SLC22A23: variants seen among roughly 807,000 people sequenced by gnomAD.
The protein encoded by SLC22A23 is ion transporter protein.
In SLC22A23, 26 loss-of-function variants were observed where a neutral mutation model predicts 61.0. That is an observed-to-expected ratio of 0.43 (90% CI 0.31 to 0.59). The LOEUF (loss-of-function observed/expected upper bound fraction) is 0.59, where lower values mean the gene tolerates loss of function less well. Among genes scored for constraint, SLC22A23 ranks in the 20% least tolerant of loss-of-function variants. The pLI is 0.11. For missense variants in SLC22A23, 796 were observed against 934.7 expected (o/e 0.85, Z 1.94); for synonymous variants, 430 against 413.9 (o/e 1.04, Z -0.47).
In SLC22A23 at chr6:3,269,900, A is replaced by T. The variant is rs1176250659; in HGVS notation, c.*3155T>A. The T allele has an allele frequency of 6.5e-6, 1 of 152,832 alleles. No homozygotes were observed. Among genetic ancestry groups the T allele is most frequent in the Non-Finnish European group, 1.5e-5 (1 of 68,044 alleles). 9.5% of individuals were successfully genotyped at this position (152,832 alleles called of 1,614,324 possible). On this transcript the variant is annotated 3_prime_UTR_variant, in exon 10 of 10. Transcript: ENST00000406686. ...GGTGTCTGAGTGTGATACTTCCCTTACGAGGTTTGTTTTTGTTTTCTTTCT... is the reference window on the plus strand; with the variant it reads ...GGTGTCTGAGTGTGATACTTCCCTTTCGAGGTTTGTTTTTGTTTTCTTTCT...
chr6:3,419,608 G>A lies in SLC22A23; in HGVS notation c.655-3753C>T, dbSNP rs375480118. On this transcript the variant is annotated intron_variant, in intron 1 of 9. Coordinates refer to ENST00000406686, the MANE Select transcript of SLC22A23 (RefSeq NM_015482.2). ...GGTCTGGGAGCCAACAGTTCTGGAG[G>A]TGGCTAAGGAGGTGTGATCTTGGAA... 2.0e-5 allele frequency among the ~76,000 whole-genome samples: 3 copies of A among 152,308 alleles called. No individual in the cohort carries two copies. The East Asian group carries it at 5.8e-4, about 29-fold the overall frequency.
chr6:3,402,742 T>TTCA (rs1768515509), intron 3 of SLC22A23, among the ~76,000 whole-genome samples: 1 of 152,222 alleles, frequency 6.6e-6, no homozygotes, highest in Non-Finnish European at 1.5e-5. Context: ...GCAGGGTGTG[T>TTCA]CTCTGCCTCT....
At chr6:3,298,246 A>C in intron 4 of SLC22A23, 28 bp from the exon 5 acceptor site, 1 of 1,577,414 alleles carries the variant, frequency 6.3e-7, no homozygotes, top group Non-Finnish European at 8.6e-7. Context: ...GGATCAGTGA[A>C]TGTCTTCCGA....
chr6:3,344,511 T>C (rs1320931423), intron 3 of SLC22A23, among the ~76,000 whole-genome samples: 1 of 152,220 alleles, frequency 6.6e-6, no homozygotes, highest in Admixed American at 6.5e-5. Flanking sequence ...GACACGACCA[T>C]GTGGTTAAGA....
chr6:3,339,705 C>A (rs1348594264), intron 3 of SLC22A23, among the ~76,000 whole-genome samples: 6 of 152,180 alleles, frequency 3.9e-5, no homozygotes, highest in Admixed American at 3.3e-4. Flanking sequence ...TTTACAGATG[C>A]CATGGCAACG....
In SLC22A23 at chr6:3,273,229, G is replaced by A. The variant is rs369704563; in HGVS notation, c.1887C>T (p.Asn629=). The A allele has an allele frequency of 1.6e-5, 25 of 1,612,880 alleles. No homozygotes were observed. In the Middle Eastern group the frequency reaches 4.9e-4, roughly 32 times the overall value. ...PESRDQNLPE[N]ISNGEHYTRQ... is the part of the protein sequence containing the mutation. ...GCGTGTAGTGCTCCCCGTTAGAAAT[G>A]TTCTCAGGCAGGTTCTGGTCCCTGC... Residue 629 remains asparagine (N), a synonymous_variant, in exon 10 of 10, where the codon AAC becomes AAT. Transcript: ENST00000406686.
intron 3 of SLC22A23, among the ~76,000 whole-genome samples, chr6:3,365,504 C>CTGAG (rs552445577): frequency 6.6e-6 from 1 of 152,112 alleles, no homozygotes; most frequent in Non-Finnish European, 1.5e-5. Context: ...CTGGCTGAGC[C>CTGAG]TGAGTGAGTG....
chr6:3,386,888 C>G lies in SLC22A23; in HGVS notation c.913+23300G>C, dbSNP rs189533286. 6.2e-4 allele frequency among the ~76,000 whole-genome samples: 95 copies of G among 152,318 alleles called. No individual in the cohort carries two copies. The highest frequency in any genetic ancestry group is 2.2e-3 in the African/African-American group (92 of 41,578). On this transcript the variant is annotated intron_variant, in intron 3 of 9. Transcript: ENST00000406686. This position sits in a 1 kb window ranked among gnomAD's most constrained non-coding sequence, Gnocchi z 4.4. ...GGCACCCCAGGGCGGGGCAGGCACC[C>G]CAGGGTGCAGCAGGCCTTTCTCTGG...
rs1276119691 is a variant in SLC22A23 at position 3,297,027 on chromosome 6, T to TC, written c.1210+1063dup. Among the ~76,000 whole-genome samples, 13 of 152,188 alleles carry TC rather than the reference T, an allele frequency of 8.5e-5. No homozygotes were observed. The highest frequency in any genetic ancestry group is 2.1e-4 in the South Asian group (1 of 4,826). ...GCTTCCGCAGCCACTCTGACTGTAG[T>TC]CCCTCCCTGCCACCCTCTATCCCAC... On this transcript the variant is annotated intron_variant, in intron 5 of 9. Transcript: ENST00000406686. The surrounding 1 kb of genome is among the most constrained non-coding windows in gnomAD (Gnocchi z 4.3).
chr6:3,374,464 C>G (rs1766431245), intron 3 of SLC22A23, among the ~76,000 whole-genome samples: 1 of 152,186 alleles, frequency 6.6e-6, no homozygotes, highest in East Asian at 1.9e-4. Context: ...CTGACAGTAA[C>G]AACATGAGCA....
intron 3 of SLC22A23, among the ~76,000 whole-genome samples, chr6:3,384,768 T>C (rs1422248104): frequency 1.3e-5 from 2 of 152,190 alleles, no homozygotes; most frequent in African/African-American, 4.8e-5. Flanking sequence ...CTTCAAGAAC[T>C]GAAAGCAGGA....
intron 9 of SLC22A23, among the ~76,000 whole-genome samples, chr6:3,277,324 C>G (rs1366547560): frequency 6.6e-6 from 1 of 152,058 alleles, no homozygotes; most frequent in African/African-American, 2.4e-5. Flanking sequence ...GCACCAAGCT[C>G]TGCAAACACT....
At chr6:3,435,585 A>G (rs1771154175) in intron 1 of SLC22A23, among the ~76,000 whole-genome samples, 1 of 152,130 alleles carries the variant, frequency 6.6e-6, no homozygotes, top group Non-Finnish European at 1.5e-5. Context: ...GATTTACAAC[A>G]GACAGACTGG....
chr6:3,436,132 C>T (rs978105818), intron 1 of SLC22A23, among the ~76,000 whole-genome samples: 45 of 152,098 alleles, frequency 3.0e-4, no homozygotes, highest in African/African-American at 1.1e-3. Flanking sequence ...CGTCCTGTCT[C>T]TGGACTTCCA....
chr6:3,357,681 T>C (rs1765196943), intron 3 of SLC22A23, among the ~76,000 whole-genome samples: 1 of 152,036 alleles, frequency 6.6e-6, no homozygotes, highest in Non-Finnish European at 1.5e-5. Flanking sequence ...TAATGACAAA[T>C]AATGGAAAAC....
chr6:3,420,430 C>T (rs181318903), intron 1 of SLC22A23, among the ~76,000 whole-genome samples: 96 of 152,042 alleles, frequency 6.3e-4, no homozygotes, highest in African/African-American at 2.2e-3. Context: ...AAGAAAACAA[C>T]CTTATTTTCC....
At chr6:3,283,552 C>T (rs1013187963) in intron 9 of SLC22A23, 23 of 380,504 alleles carry the variant, frequency 6.0e-5, no homozygotes, top group Admixed American at 4.0e-4. Flanking sequence ...ATAAGTGATC[C>T]GCTGCACTCC....
At chr6:3,406,741 A>G (rs114622065) in intron 3 of SLC22A23, among the ~76,000 whole-genome samples, 3,019 of 152,282 alleles carry the variant, frequency 0.02, 43 homozygotes, top group Non-Finnish European at 0.032. Flanking sequence ...CCTTAGGAAG[A>G]TGCCAGTAAT....
intron 9 of SLC22A23, among the ~76,000 whole-genome samples, chr6:3,280,858 C>A (rs1759410485): frequency 6.6e-6 from 1 of 152,178 alleles, no homozygotes; most frequent in Non-Finnish European, 1.5e-5. Context: ...CCCAGGTCAT[C>A]CTGGCCCTCG....
Sources: allele counts gnomAD v4.1 joint callset (sites outside exome capture counted in the v4.1 genomes callset), GRCh38; gene constraint gnomAD v4.1.1; non-coding constraint Gnocchi (gnomAD v3.1); transcripts MANE v1.5; gene names NCBI Gene and HGNC (gene_info 2026-07-23, HGNC 2026-07-21).